Variants in WBP2NL observed in about 807,000 individuals in gnomAD.
The protein encoded by WBP2NL is WBP2 N-terminal like, also known as postacrosomal sheath WW domain-binding protein.
In WBP2NL, 27 loss-of-function variants were observed where a neutral mutation model predicts 23.3. The observed-to-expected ratio is 1.16, with a 90% CI of 0.85 to 1.60. WBP2NL has a LOEUF of 1.60. Ranked by LOEUF, WBP2NL falls within the 40% of genes most tolerant of loss-of-function variation. The pLI is 0.00. For missense variants in WBP2NL, 370 were observed against 389.5 expected (o/e 0.95, Z 0.42); for synonymous variants, 151 against 145.9 (o/e 1.03, Z -0.25).
rs536737673 is a variant in WBP2NL, at chr22:42,025,751, A to T, written c.515-1015A>T. Among the ~76,000 whole-genome samples, 17 of 152,348 alleles carry T rather than the reference A, an allele frequency of 1.1e-4. 1 individual carries two copies. In the South Asian group the frequency reaches 3.5e-3, roughly 32 times the overall value. On this transcript the variant is annotated intron_variant, in intron 5 of 5. Coordinates refer to ENST00000328823, the MANE Select transcript of WBP2NL (RefSeq NM_152613.3). Reference sequence around the variant, plus strand: ...AATAAATTTTGGATTAAAGCAAAATAACTTTACAGCTGTCCATTCACTTTA... The same window carrying T: ...AATAAATTTTGGATTAAAGCAAAATTACTTTACAGCTGTCCATTCACTTTA...
intron 1 of WBP2NL, among the ~76,000 whole-genome samples, chr22:42,016,711 A>C (rs1410644296): frequency 6.6e-6 from 1 of 152,132 alleles, no homozygotes; most frequent in Non-Finnish European, 1.5e-5. Flanking sequence ...TTTTTTGCTA[A>C]TGTCCTGTAT....
chr22:42,043,649 A>G (rs1203119094), intron 8 of WBP2NL, among the ~76,000 whole-genome samples: 6 of 152,186 alleles, frequency 3.9e-5, no homozygotes, highest in Non-Finnish European at 5.9e-5. Flanking sequence ...CATGTGCACA[A>G]CTGAGGAGAA....
chr22:42,013,292 A>G (rs573737408), intron 1 of WBP2NL, among the ~76,000 whole-genome samples: 48 of 152,034 alleles, frequency 3.2e-4, no homozygotes, highest in African/African-American at 1.2e-3. Context: ...AGGCTGAGGC[A>G]GGAGAATCAC....
At chr22:42,029,054 G>A (rs1227536283), downstream of WBP2NL, among the ~76,000 whole-genome samples, 3 of 152,180 alleles carry the variant, frequency 2.0e-5, no homozygotes, top group Non-Finnish European at 4.4e-5. Context: ...CCCCTTCAGA[G>A]CTCACCATTC....
chr22:42,043,708 C>A (rs575053086), intron 8 of WBP2NL, among the ~76,000 whole-genome samples: 1 of 150,402 alleles, frequency 6.6e-6, no homozygotes, highest in Admixed American at 6.8e-5. Context: ...CTTTGACACG[C>A]TAGCCAAAAC....
chr22:42,022,468 G>A, intron 5 of WBP2NL, 112 bp downstream of exon 5: 1 of 992,172 alleles, frequency 1.0e-6, no homozygotes, highest in Non-Finnish European at 1.5e-6. Flanking sequence ...AGCTTTAGGG[G>A]CTTGGAAAAT....
At chr22:42,057,865 G>GTGTATATA (rs1289582411) in intron 8 of WBP2NL, among the ~76,000 whole-genome samples, 4 of 59,672 alleles carry the variant, frequency 6.7e-5, no homozygotes, top group African/African-American at 3.3e-4. Flanking sequence ...ATGTGTGTGT[G>GTGTATATA]TATGTATATA....
At chr22:42,032,644 C>G, downstream of WBP2NL, 1 of 384,344 alleles carries the variant, frequency 2.6e-6, no homozygotes, top group Non-Finnish European at 5.3e-6. Flanking sequence ...ACCTCATTGT[C>G]AGGTAGGAAG....
chr22:42,047,017 T>C (rs992415995), intron 8 of WBP2NL, among the ~76,000 whole-genome samples: 14 of 152,122 alleles, frequency 9.2e-5, no homozygotes, highest in African/African-American at 3.1e-4. Context: ...AGCAACATAC[T>C]ATAGAAAACA....
At chr22:42,041,553 A>T (rs1393000397) in intron 8 of WBP2NL, among the ~76,000 whole-genome samples, 1 of 148,314 alleles carries the variant, frequency 6.7e-6, no homozygotes, top group East Asian at 1.9e-4. Context: ...TCTTTTGGTT[A>T]CCATTTGCAT....
At chr22:42,044,350 C>T (rs1925504807) in intron 8 of WBP2NL, among the ~76,000 whole-genome samples, 3 of 152,154 alleles carry the variant, frequency 2.0e-5, no homozygotes, top group Admixed American at 2.0e-4. Flanking sequence ...AGATTATAAG[C>T]ATGTGCCACC....
chr22:42,044,105 C>T (rs759755479), intron 8 of WBP2NL, among the ~76,000 whole-genome samples: 43 of 152,170 alleles, frequency 2.8e-4, no homozygotes, highest in African/African-American at 5.3e-4. Flanking sequence ...GTTGTCTTTT[C>T]GGTTTGGAGA....
intron 1 of WBP2NL, among the ~76,000 whole-genome samples, chr22:42,011,911 T>A (rs1312304870): frequency 1.3e-5 from 2 of 152,174 alleles, no homozygotes; most frequent in Non-Finnish European, 2.9e-5. Flanking sequence ...TAGCTGGGAT[T>A]ACAGGTGCCC....
chr22:42,019,604 A>C (rs1357636926), intron 2 of WBP2NL, 58 bp from the exon 3 acceptor site: 1 of 1,605,412 alleles, frequency 6.2e-7, no homozygotes, highest in African/African-American at 1.3e-5. Flanking sequence ...TGCTCTTGTA[A>C]GTCTCAATCC....
chr22:42,009,625 A>G (rs1922622230), intron 1 of WBP2NL, among the ~76,000 whole-genome samples: 1 of 152,204 alleles, frequency 6.6e-6, no homozygotes, highest in African/African-American at 2.4e-5. Flanking sequence ...TATTTGATCA[A>G]TTCTCACATA....
downstream of WBP2NL, chr22:42,032,920 A>G (rs183604932): frequency 1.0e-5 from 2 of 200,570 alleles, no homozygotes; most frequent in East Asian, 3.4e-4. Context: ...AAAACAGGGT[A>G]TTAATTATTA....
intron 8 of WBP2NL, among the ~76,000 whole-genome samples, chr22:42,039,845 C>T (rs948763356): frequency 6.7e-6 from 1 of 150,310 alleles, no homozygotes; most frequent in African/African-American, 2.4e-5. Context: ...TTATTTCTGT[C>T]CTTCTGCTAA....
chr22:42,039,447 C>T (rs1218108281), intron 8 of WBP2NL, among the ~76,000 whole-genome samples: 4 of 151,266 alleles, frequency 2.6e-5, no homozygotes, highest in Non-Finnish European at 5.9e-5. Context: ...CCTGGCTCAG[C>T]GTTCCAAAGT....
At chr22:42,052,278 T>C in intron 8 of WBP2NL, among the ~76,000 whole-genome samples, 1 of 152,082 alleles carries the variant, frequency 6.6e-6, no homozygotes, top group East Asian at 1.9e-4. Context: ...AACCAACTTG[T>C]ATTTTTTTTT....
Sources: allele counts gnomAD v4.1 joint callset (sites outside exome capture counted in the v4.1 genomes callset), GRCh38; gene constraint gnomAD v4.1.1; transcripts MANE v1.5; gene names NCBI Gene and HGNC (gene_info 2026-07-23, HGNC 2026-07-21).